Variants in NEXN observed in about 807,000 individuals in gnomAD.
NEXN encodes nexilin F-actin binding protein.
Under a neutral mutation model 92.6 loss-of-function variants are expected in NEXN, and 65 were observed. That is an observed-to-expected ratio of 0.70 (90% CI 0.57 to 0.86). NEXN has a LOEUF of 0.86. NEXN is among the 40% of genes least tolerant of loss of function. The probability of loss-of-function intolerance (pLI) is 0.00; values close to 1 mark genes in which losing one functional copy is unlikely to be tolerated. For missense variants in NEXN, 778 were observed against 771.1 expected (o/e 1.01, Z -0.11); for synonymous variants, 254 against 242.5 (o/e 1.05, Z -0.44).
Position 77,926,467 on chromosome 1 carries a change from A to G in NEXN, c.543A>G (p.Thr181=). The G allele has an allele frequency of 3.1e-6, 5 of 1,609,636 alleles. No individual in the cohort carries two copies. Among genetic ancestry groups the G allele is most frequent in the Non-Finnish European group, 4.2e-6 (5 of 1,178,104 alleles). ...TGGTACCTGTCAAATCATATAAAAC[A>G]TCTGGAAAAATGAAAAAGAATTTTG... ...ITVVPVKSYK[T]SGKMKKNFED... Residue 181 remains threonine (T), a synonymous_variant, in exon 7 of 13, where the codon ACA becomes ACG. Coordinates refer to ENST00000334785, the MANE Select transcript of NEXN (RefSeq NM_144573.4).
In NEXN at chr1:77,937,416, C is replaced by T. The variant is rs533491971; in HGVS notation, c.1473+1372C>T. On this transcript the variant is annotated intron_variant, in intron 11 of 12. Transcript: ENST00000334785. ...TAAAAAAATTATTTGAGGCCAGGCACGGTGGCTCACGCCTGTAATCCCAAG... is the reference window on the plus strand; with the variant it reads ...TAAAAAAATTATTTGAGGCCAGGCATGGTGGCTCACGCCTGTAATCCCAAG... Among the ~76,000 whole-genome samples the T allele has an allele frequency of 5.3e-5, 8 of 151,164 alleles. No individual in the cohort carries two copies. The East Asian group carries it at 1.2e-3, about 23-fold the overall frequency.
chr1:77,891,489 CTTAGA>C (rs1647103708), intron 1 of NEXN, among the ~76,000 whole-genome samples: 1 of 151,808 alleles, frequency 6.6e-6, no homozygotes, highest in Non-Finnish European at 1.5e-5. Context: ...CCTTTTTACT[CTTAGA>C]TTAGAAGACA....
In NEXN at chr1:77,935,971, TAGA is replaced by T. The variant is rs397517846; in HGVS notation, c.1407_1409del (p.Glu470del). On this transcript the variant is annotated inframe_deletion, in exon 11 of 13. Transcript: ENST00000334785. ...TCTGAAAAAGAAATACAGAAAAAAA[TAGA>T]AGAAGAGCGAGCAAGAAGGAGAGCA... The T allele has an allele frequency of 1.2e-4, 192 of 1,613,688 alleles. 1 individual carries two copies. The highest frequency in any genetic ancestry group is 3.3e-4 in the Middle Eastern group (2 of 6,062).
At chr1:77,895,416 C>T (rs1040771492) in intron 1 of NEXN, among the ~76,000 whole-genome samples, 3 of 151,950 alleles carry the variant, frequency 2.0e-5, no homozygotes, top group African/African-American at 7.3e-5. Flanking sequence ...TACATTATAC[C>T]TAAGTTTATG....
intron 6 of NEXN, among the ~76,000 whole-genome samples, chr1:77,926,089 C>A (rs187046648): frequency 2.6e-4 from 39 of 152,126 alleles, no homozygotes; most frequent in African/African-American, 8.9e-4. Context: ...AGAGTATATT[C>A]ACATGCACAT....
chr1:77,890,181 C>T (rs1647073533), intron 1 of NEXN, among the ~76,000 whole-genome samples: 1 of 152,134 alleles, frequency 6.6e-6, no homozygotes, highest in South Asian at 2.1e-4. Flanking sequence ...TTACAATTAA[C>T]ACCGTATTTT....
At chr1:77,915,106 G>A (rs1648866501) in intron 1 of NEXN, among the ~76,000 whole-genome samples, 1 of 151,918 alleles carries the variant, frequency 6.6e-6, no homozygotes, top group Non-Finnish European at 1.5e-5. Flanking sequence ...TTGAGCCCAG[G>A]GTTTCAAAAC....
intron 1 of NEXN, among the ~76,000 whole-genome samples, chr1:77,899,766 G>A (rs937035505): frequency 6.6e-6 from 1 of 151,986 alleles, no homozygotes; most frequent in Non-Finnish European, 1.5e-5. Context: ...TTAGGATAGC[G>A]CCTGACACAA....
chr1:77,907,969 T>C lies in NEXN; in HGVS notation c.-52-8086T>C, dbSNP rs181391528. Among the ~76,000 whole-genome samples, 5 of 152,226 alleles carry C rather than the reference T, an allele frequency of 3.3e-5. No homozygotes were observed. The East Asian group carries it at 7.7e-4, about 24-fold the overall frequency. ...ACTCTAAAAAAACTGCATGAGAGGCTCGGGCATGGTTACTCATGCCTGTAA... is the reference window on the plus strand; with the variant it reads ...ACTCTAAAAAAACTGCATGAGAGGCCCGGGCATGGTTACTCATGCCTGTAA... On this transcript the variant is annotated intron_variant, in intron 1 of 12. Coordinates refer to ENST00000334785, the MANE Select transcript of NEXN (RefSeq NM_144573.4).
At position 77,937,706 on chromosome 1, in the gene NEXN, AAAAT is replaced by A. The variant is rs1650891280; in HGVS notation, c.1473+1666_1473+1669del. 2.0e-5 allele frequency among the ~76,000 whole-genome samples: 3 copies of A among 152,288 alleles called. No homozygotes were observed. The South Asian group carries it at 6.2e-4, about 32-fold the overall frequency. On this transcript the variant is annotated intron_variant, in intron 11 of 12. Transcript: ENST00000334785. The stretch of plus-strand genomic sequence containing the variant: ...TCCATCTCAAAAAAATAAAAAATAA[AAAAT>A]AAAAAAAATTATTTGAATGACTACT...
intron 9 of NEXN, among the ~76,000 whole-genome samples, chr1:77,932,641 A>G (rs1293416515): frequency 6.6e-6 from 1 of 152,200 alleles, no homozygotes; most frequent in African/African-American, 2.4e-5. Context: ...AATGTTCTCA[A>G]ATTAGGAAAT....
chr1:77,940,276 G>GT (rs1651150491), intron 11 of NEXN, among the ~76,000 whole-genome samples: 1 of 152,076 alleles, frequency 6.6e-6, no homozygotes, highest in African/African-American at 2.4e-5. Context: ...ATGCCCCATT[G>GT]TATCTCAAGG....
intron 5 of NEXN, among the ~76,000 whole-genome samples, chr1:77,921,021 G>GA (rs1380676964): frequency 6.6e-6 from 1 of 151,942 alleles, no homozygotes; most frequent in Admixed American, 6.6e-5. Flanking sequence ...TAGTTTGTTG[G>GA]AAAAAAAGTA....
In NEXN at chr1:77,920,181, C is replaced by T. The variant is rs140213959; in HGVS notation, c.447+1908C>T. 6.9e-4 allele frequency among the ~76,000 whole-genome samples: 105 copies of T among 152,100 alleles called. 1 individual carries two copies. The East Asian group carries it at 0.019, about 27-fold the overall frequency. On this transcript the variant is annotated intron_variant, in intron 5 of 12. Coordinates refer to ENST00000334785, the MANE Select transcript of NEXN (RefSeq NM_144573.4). ...CTCCCAAAATGATTACAGGCATGAG[C>T]CACCGCACCCGGCCTAGTAATTTTA...
At chr1:77,918,836 C>G (rs1334630906) in intron 5 of NEXN, among the ~76,000 whole-genome samples, 3 of 152,170 alleles carry the variant, frequency 2.0e-5, no homozygotes. Flanking sequence ...CTCACCCCGT[C>G]TACATTCCTT....
chr1:77,893,805 AAAGATTC>A (rs1288570811), intron 1 of NEXN, among the ~76,000 whole-genome samples: 2 of 151,960 alleles, frequency 1.3e-5, no homozygotes, highest in Non-Finnish European at 2.9e-5. Flanking sequence ...AGGCAGGTTG[AAAGATTC>A]AAAAGATTCT....
At chr1:77,899,209 G>A (rs904463756) in intron 1 of NEXN, among the ~76,000 whole-genome samples, 2 of 152,020 alleles carry the variant, frequency 1.3e-5, no homozygotes, top group African/African-American at 2.4e-5. Context: ...ACATGCACAC[G>A]TATGTTTATT....
At chr1:77,934,473 T>C (rs139505316) in intron 10 of NEXN, among the ~76,000 whole-genome samples, 2 of 152,218 alleles carry the variant, frequency 1.3e-5, no homozygotes, top group Non-Finnish European at 1.5e-5. Context: ...ATTTTACCTT[T>C]GAATTTGTGT....
At chr1:77,899,671 TAAAA>T (rs1647535558) in intron 1 of NEXN, among the ~76,000 whole-genome samples, 1 of 151,240 alleles carries the variant, frequency 6.6e-6, no homozygotes, top group African/African-American at 2.4e-5. Context: ...AATAAAAAAA[TAAAA>T]AATAAAAAAA....
Sources: gnomAD v4.1 joint callset for allele counts (sites outside exome capture counted in the v4.1 genomes callset) on GRCh38, gnomAD v4.1.1 for gene constraint, MANE v1.5 for transcripts, NCBI Gene and HGNC (gene_info 2026-07-23, HGNC 2026-07-21) for gene names.